The following GRID1 variants were observed in gnomAD, a reference collection of about 807,000 sequenced individuals.
GRID1 encodes glutamate ionotropic receptor delta type subunit 1, also known as glutamate receptor ionotropic, delta-1.
GRID1 carries 28 observed loss-of-function variants against 98.0 expected under a neutral mutation model. That is an observed-to-expected ratio of 0.29 (90% CI 0.21 to 0.39). The LOEUF (loss-of-function observed/expected upper bound fraction) is 0.39. Among genes scored for constraint, GRID1 ranks in the 10% least tolerant of loss-of-function variants. GRID1 has a pLI of 1.00. For missense variants in GRID1, 1,111 were observed against 1,340.5 expected, an observed-to-expected ratio of 0.83 and a Z score of 2.67; for synonymous variants, 553 against 538.5, an observed-to-expected ratio of 1.03 and a Z score of -0.37.
intron 4 of GRID1, among the ~76,000 whole-genome samples, chr10:86,053,214 A>G (rs1435687567): frequency 1.3e-5 from 2 of 152,216 alleles, no homozygotes; most frequent in African/African-American, 4.8e-5. Flanking sequence ...TAATTTTTCT[A>G]CAATTAATAT....
chr10:85,984,982 G>A (rs370097306), intron 4 of GRID1, among the ~76,000 whole-genome samples: 2 of 152,000 alleles, frequency 1.3e-5, no homozygotes, highest in Admixed American at 6.6e-5. Flanking sequence ...CTACATTTTG[G>A]GCTGAATAAT....
At chr10:85,631,421 C>A (rs1842974432) in intron 13 of GRID1, among the ~76,000 whole-genome samples, 1 of 152,216 alleles carries the variant, frequency 6.6e-6, no homozygotes, top group Non-Finnish European at 1.5e-5. Context: ...CCTGTGGAGA[C>A]ATTATGGCTG....
At chr10:85,888,091 A>C (rs1841143242) in intron 5 of GRID1, among the ~76,000 whole-genome samples, 1 of 152,196 alleles carries the variant, frequency 6.6e-6, no homozygotes, top group African/African-American at 2.4e-5. Flanking sequence ...AGGACATCAA[A>C]ACAGGACTCA....
chr10:86,359,078 A>C (rs887354816), intron 2 of GRID1, among the ~76,000 whole-genome samples: 4 of 152,230 alleles, frequency 2.6e-5, no homozygotes, highest in Admixed American at 2.6e-4. Context: ...TCTGACCTGC[A>C]GAACTGCAAG....
At chr10:86,058,298 T>C (rs1367650136) in intron 4 of GRID1, among the ~76,000 whole-genome samples, 1 of 152,154 alleles carries the variant, frequency 6.6e-6, no homozygotes, top group East Asian at 1.9e-4. Flanking sequence ...GACCTTCTAG[T>C]TGGTTTGGAT....
intron 2 of GRID1, among the ~76,000 whole-genome samples, chr10:86,308,773 A>G (rs1233786667): frequency 6.6e-6 from 1 of 152,152 alleles, no homozygotes; most frequent in Non-Finnish European, 1.5e-5. Flanking sequence ...ATCATCTCAT[A>G]GCAGAAGGCG....
intron 4 of GRID1, among the ~76,000 whole-genome samples, chr10:86,100,390 A>C (rs1844280313): frequency 1.3e-5 from 2 of 152,058 alleles, no homozygotes; most frequent in African/African-American, 2.4e-5. Flanking sequence ...CATTTTTCTT[A>C]GGTGCTGGAG....
intron 4 of GRID1, among the ~76,000 whole-genome samples, chr10:85,993,284 T>C (rs1257118966): frequency 6.6e-6 from 1 of 152,034 alleles, no homozygotes; most frequent in Non-Finnish European, 1.5e-5. Flanking sequence ...TTGGCCAAGG[T>C]AAGCAAGGCA....
chr10:86,353,244 G>T (rs142996798), intron 2 of GRID1, among the ~76,000 whole-genome samples: 1 of 152,210 alleles, frequency 6.6e-6, no homozygotes, highest in East Asian at 1.9e-4. Context: ...AGTCTCCTGT[G>T]GGTGCTGGGA....
rs1407917899 is a variant in GRID1, at chr10:86,189,845, C to T, written c.520+16519G>A. Among the ~76,000 whole-genome samples the T allele has an allele frequency of 3.3e-5, 5 of 152,126 alleles. No homozygotes were observed. The East Asian group carries it at 5.8e-4, about 18-fold the overall frequency. On this transcript the variant is annotated intron_variant, in intron 3 of 15. Coordinates refer to ENST00000327946, the MANE Select transcript of GRID1 (RefSeq NM_017551.3). ...AGGTGGGAGGAGGCTCTTGTGCCCA[C>T]TAAGAACCCCTGCCCTGCAAGGACA...
At chr10:85,872,005 T>A (rs191900523) in intron 5 of GRID1, among the ~76,000 whole-genome samples, 30 of 152,262 alleles carry the variant, frequency 2.0e-4, no homozygotes, top group Non-Finnish European at 3.5e-4. Flanking sequence ...AAATTGACAA[T>A]GTCCATATCT....
At chr10:86,024,783 C>T (rs1843095215) in intron 4 of GRID1, among the ~76,000 whole-genome samples, 1 of 152,214 alleles carries the variant, frequency 6.6e-6, no homozygotes, top group African/African-American at 2.4e-5. Context: ...TCACTCACTT[C>T]TGGTCCAGCA....
At position 85,673,966 on chromosome 10, in the gene GRID1, C is replaced by G. The variant is rs1038867998; in HGVS notation, c.1998-26569G>C. 4.3e-4 allele frequency among the ~76,000 whole-genome samples: 65 copies of G among 152,114 alleles called. 1 individual carries two copies. Among genetic ancestry groups the G allele is most frequent in the Non-Finnish European group, 7.3e-5 (5 of 68,034 alleles). On this transcript the variant is annotated intron_variant, in intron 12 of 15. Coordinates refer to ENST00000327946, the MANE Select transcript of GRID1 (RefSeq NM_017551.3). ...GCAATATTCACTTTATTAAGATGAT[C>G]TGGACTTGAGCAAATTCCTCTCAGA...
At chr10:86,031,492 G>A (rs1051956075) in intron 4 of GRID1, among the ~76,000 whole-genome samples, 2 of 152,036 alleles carry the variant, frequency 1.3e-5, no homozygotes, top group African/African-American at 2.4e-5. Flanking sequence ...ATCATTAGAC[G>A]CCCAAACCTC....
chr10:85,820,512 CA>C (rs1325475971), intron 8 of GRID1, among the ~76,000 whole-genome samples: 1 of 152,026 alleles, frequency 6.6e-6, no homozygotes, highest in Non-Finnish European at 1.5e-5. Flanking sequence ...TTTTCAAATT[CA>C]AAAAACTGCA....
At chr10:85,750,206 G>T (rs1432984770) in intron 8 of GRID1, among the ~76,000 whole-genome samples, 1 of 152,136 alleles carries the variant, frequency 6.6e-6, no homozygotes, top group South Asian at 2.1e-4. Context: ...GGTGACTAGG[G>T]TGTAGATCTG....
At chr10:86,287,723 A>G (rs60053075) in intron 2 of GRID1, among the ~76,000 whole-genome samples, 10,779 of 151,924 alleles carry the variant, frequency 0.071, 1,065 homozygotes, top group African/African-American at 0.23. Context: ...TAGTGAAATT[A>G]TTAATTTCAC....
chr10:85,895,016 AATATATAT>A (rs67350023), intron 5 of GRID1, among the ~76,000 whole-genome samples: 6 of 97,112 alleles, frequency 6.2e-5, no homozygotes, highest in African/African-American at 2.0e-4. Context: ...AAAAAAAAAA[AATATATAT>A]ATATATATAT....
intron 8 of GRID1, among the ~76,000 whole-genome samples, chr10:85,808,337 A>T (rs1228726177): frequency 2.0e-5 from 3 of 152,214 alleles, no homozygotes; most frequent in African/African-American, 7.2e-5. Flanking sequence ...GGTGAGAAAA[A>T]TTTGTGAAGT....
Sources: allele counts gnomAD v4.1 joint callset (sites outside exome capture counted in the v4.1 genomes callset), GRCh38; gene constraint gnomAD v4.1.1; transcripts MANE v1.5; gene names NCBI Gene and HGNC (gene_info 2026-07-23, HGNC 2026-07-21).